STRN3: variants seen among roughly 807,000 people sequenced by gnomAD.
STRN3 encodes striatin 3.
STRN3 carries 29 observed loss-of-function variants against 95.6 expected under a neutral mutation model. That is an observed-to-expected ratio of 0.30 (90% CI 0.23 to 0.41). The LOEUF (loss-of-function observed/expected upper bound fraction) is 0.41. STRN3 is among the 10% of genes least tolerant of loss of function. STRN3 has a pLI of 1.00. For missense variants in STRN3, 890 were observed against 972.1 expected, an observed-to-expected ratio of 0.92 and a Z score of 1.12; for synonymous variants, 331 against 357.6, an observed-to-expected ratio of 0.93 and a Z score of 0.84.
chr14:30,904,045 A>G (rs573208802), intron 15 of STRN3, among the ~76,000 whole-genome samples: 18 of 152,326 alleles, frequency 1.2e-4, no homozygotes, highest in Admixed American at 2.6e-4. Flanking sequence ...CCATTGAAAA[A>G]GCCTAACACA....
At chr14:31,015,975 T>G (rs1462248845) in intron 1 of STRN3, among the ~76,000 whole-genome samples, 1 of 152,132 alleles carries the variant, frequency 6.6e-6, no homozygotes, top group Non-Finnish European at 1.5e-5. Flanking sequence ...TTCAATACTG[T>G]TTTTCATTAG....
intron 1 of STRN3, among the ~76,000 whole-genome samples, chr14:31,017,329 C>T (rs888479452): frequency 6.6e-6 from 1 of 150,852 alleles, no homozygotes; most frequent in African/African-American, 2.4e-5. Flanking sequence ...GAAACCCCGT[C>T]TCTACTAAAA....
chr14:30,949,621 T>C (rs1261081100), intron 4 of STRN3, among the ~76,000 whole-genome samples: 2 of 151,470 alleles, frequency 1.3e-5, no homozygotes. Context: ...GAGGCGGAGG[T>C]GATAGTGAGC....
chr14:30,932,633 T>C (rs1018130559), intron 7 of STRN3, among the ~76,000 whole-genome samples: 5 of 152,196 alleles, frequency 3.3e-5, no homozygotes, highest in Non-Finnish European at 2.9e-5. Flanking sequence ...CAAATATTGA[T>C]AGTAAAAAGC....
rs138332314 is a variant in STRN3 at position 30,985,742 on chromosome 14, A to C, written c.283-29500T>G. On this transcript the variant is annotated intron_variant, in intron 1 of 17. Coordinates refer to ENST00000357479, the MANE Select transcript of STRN3 (RefSeq NM_001083893.2). ...TGATCCATGTTTGACTTATGTTTAT[A>C]GTTTTATCATAAGAAATATATCTTT... Among the ~76,000 whole-genome samples the C allele has an allele frequency of 4.6e-5, 7 of 152,272 alleles. No individual in the cohort carries two copies. In the East Asian group the frequency reaches 1.2e-3, roughly 25 times the overall value.
chr14:30,948,347 G>T (rs1879469761), intron 4 of STRN3, among the ~76,000 whole-genome samples: 1 of 152,104 alleles, frequency 6.6e-6, no homozygotes, highest in African/African-American at 2.4e-5. Flanking sequence ...ATACAGATGT[G>T]GGTCATTAAT....
intron 12 of STRN3, 110 bp downstream of exon 12, chr14:30,911,667 T>A: frequency 1.0e-6 from 1 of 959,612 alleles, no homozygotes; most frequent in Non-Finnish European, 1.5e-6. Context: ...ATTCAAGTAA[T>A]ACATCTTTTC....
At chr14:30,965,548 G>A (rs750921821) in intron 1 of STRN3, among the ~76,000 whole-genome samples, 4 of 151,836 alleles carry the variant, frequency 2.6e-5, no homozygotes, top group Admixed American at 6.6e-5. Context: ...GGCCAGGAGC[G>A]ATGGCTCACG....
chr14:30,964,704 G>C (rs185838323), intron 1 of STRN3: 13 of 152,656 alleles, frequency 8.5e-5, no homozygotes, highest in African/African-American at 2.4e-4. Flanking sequence ...CGGATCACCT[G>C]AGGTCAGCAG....
chr14:30,981,606 A>ACACACACACACC (rs1491272307), intron 1 of STRN3, among the ~76,000 whole-genome samples: 33 of 148,600 alleles, frequency 2.2e-4, no homozygotes, highest in East Asian at 1.8e-3. Context: ...ACACACACAC[A>ACACACACACACC]CCCCATAATT....
chr14:30,924,287 CTTTTTT>C (rs71112354), intron 8 of STRN3, among the ~76,000 whole-genome samples: 1 of 77,228 alleles, frequency 1.3e-5, no homozygotes, highest in African/African-American at 5.4e-5. Context: ...TGCCTTAAAT[CTTTTTT>C]TTTTTTTTTT....
At chr14:30,970,046 A>C (rs906703548) in intron 1 of STRN3, among the ~76,000 whole-genome samples, 1 of 152,240 alleles carries the variant, frequency 6.6e-6, no homozygotes, top group Non-Finnish European at 1.5e-5. Context: ...AACCAAAGCT[A>C]AGAAAAATTT....
At chr14:30,966,545 G>A (rs577622247) in intron 1 of STRN3, among the ~76,000 whole-genome samples, 8 of 152,270 alleles carry the variant, frequency 5.3e-5, no homozygotes, top group South Asian at 2.1e-4. Flanking sequence ...TCTCAGCAAC[G>A]CAGAGTGGGG....
intron 15 of STRN3, among the ~76,000 whole-genome samples, chr14:30,903,093 A>G (rs1427623185): frequency 2.0e-5 from 3 of 149,930 alleles, no homozygotes. Context: ...TTTAAAGATG[A>G]GATTTTTTTC....
intron 1 of STRN3, among the ~76,000 whole-genome samples, chr14:31,014,076 T>A (rs555431750): frequency 2.0e-5 from 3 of 151,958 alleles, no homozygotes; most frequent in South Asian, 2.1e-4. Flanking sequence ...GCTAATTTTT[T>A]AAATTTCTTG....
At position 30,912,385 on chromosome 14, in the gene STRN3, T is replaced by C. The variant is rs1896633655; in HGVS notation, c.1375-203A>G. On this transcript the variant is annotated intron_variant, in intron 10 of 17. Transcript: ENST00000357479. ...TAACTCAGAATAATTTCATTCGCCT[T>C]ACAAATAGCCTAGGTCAAATGAAGA... is the stretch of plus-strand genomic sequence containing the variant. 3 of 425,444 alleles carry C rather than the reference T, an allele frequency of 7.1e-6. No homozygotes were observed. The East Asian group carries it at 1.2e-4, about 17-fold the overall frequency. The allele number at this position is 425,444 out of a possible 1,614,324, so 26.4% of individuals were successfully genotyped here. A position where few individuals can be genotyped will look rare whatever the true frequency, so the allele number is the denominator to read the frequency against.
At chr14:30,984,500 A>AT (rs986667424) in intron 1 of STRN3, among the ~76,000 whole-genome samples, 7 of 152,198 alleles carry the variant, frequency 4.6e-5, no homozygotes, top group African/African-American at 1.4e-4. Flanking sequence ...GTACTAGCTC[A>AT]TTAAAACCAC....
intron 1 of STRN3, among the ~76,000 whole-genome samples, chr14:31,002,978 A>AT (rs954226696): frequency 6.6e-6 from 1 of 152,128 alleles, no homozygotes; most frequent in Non-Finnish European, 1.5e-5. Context: ...AATGGTTAAG[A>AT]TGAGGCCGGG....
intron 1 of STRN3, among the ~76,000 whole-genome samples, chr14:30,979,280 A>G (rs1033082181): frequency 6.6e-6 from 1 of 152,168 alleles, no homozygotes; most frequent in African/African-American, 2.4e-5. Context: ...AAAAGGAAAC[A>G]TTTAAAAAGT....
Sources: allele counts gnomAD v4.1 joint callset (sites outside exome capture counted in the v4.1 genomes callset), GRCh38; gene constraint gnomAD v4.1.1; transcripts MANE v1.5; gene names NCBI Gene and HGNC (gene_info 2026-07-23, HGNC 2026-07-21).